Variants in AUH observed in about 807,000 individuals in gnomAD.
AUH encodes AU RNA binding methylglutaconyl-CoA hydratase.
A neutral mutation model predicts 42.3 loss-of-function variants in AUH; 29 were observed. The ratio of observed to expected loss-of-function variants is 0.69; its 90% CI spans 0.51 to 0.93. AUH has a LOEUF of 0.93. AUH is among the 40% of genes least tolerant of loss of function. The pLI is 0.00. For missense variants in AUH, 452 were observed against 438.1 expected (o/e 1.03, Z -0.28); for synonymous variants, 174 against 166.4 (o/e 1.05, Z -0.35).
chr9:91,271,707 T>G (rs1359465461), intron 6 of AUH, among the ~76,000 whole-genome samples: 1 of 152,146 alleles, frequency 6.6e-6, no homozygotes, highest in East Asian at 1.9e-4. Flanking sequence ...TTTTGAGAAG[T>G]TTCGCTTTTG....
intron 4 of AUH, among the ~76,000 whole-genome samples, chr9:91,312,457 A>G (rs2131768483): frequency 6.6e-6 from 1 of 152,332 alleles, no homozygotes; most frequent in Non-Finnish European, 1.5e-5. Context: ...GCTGGGAGTC[A>G]TGGCTCATGC....
At chr9:91,238,385 A>C (rs938745323) in intron 6 of AUH, among the ~76,000 whole-genome samples, 3 of 152,226 alleles carry the variant, frequency 2.0e-5, no homozygotes, top group Non-Finnish European at 4.4e-5. Flanking sequence ...ACTGGACAAC[A>C]GTATCTGTTT....
chr9:91,310,478 T>C (rs1828617337), intron 4 of AUH, among the ~76,000 whole-genome samples: 1 of 152,214 alleles, frequency 6.6e-6, no homozygotes, highest in Non-Finnish European at 1.5e-5. Flanking sequence ...AAAAGCCAAC[T>C]CATGGTTCTT....
At chr9:91,252,108 A>G (rs1295455998) in intron 6 of AUH, among the ~76,000 whole-genome samples, 2 of 152,088 alleles carry the variant, frequency 1.3e-5, no homozygotes, top group African/African-American at 4.8e-5. Context: ...CTGGGACTAC[A>G]GGAGCCCGCC....
chr9:91,346,891 T>C (rs148417482), intron 3 of AUH, among the ~76,000 whole-genome samples: 1 of 152,032 alleles, frequency 6.6e-6, no homozygotes, highest in African/African-American at 2.4e-5. Context: ...TTATTTACTA[T>C]ATGCAACTCA....
intron 6 of AUH, among the ~76,000 whole-genome samples, chr9:91,260,862 G>T (rs1211799893): frequency 1.3e-5 from 2 of 151,958 alleles, no homozygotes; most frequent in African/African-American, 4.8e-5. Context: ...CTATTTCTGT[G>T]TCTTCAGATT....
chr9:91,267,464 T>C (rs1162540756), intron 6 of AUH, among the ~76,000 whole-genome samples: 2 of 152,234 alleles, frequency 1.3e-5, no homozygotes, highest in East Asian at 1.9e-4. Context: ...TCTTGTTTAA[T>C]GGCTCTAACA....
chr9:91,230,662 G>GT (rs1283565663), intron 6 of AUH, among the ~76,000 whole-genome samples: 2 of 152,162 alleles, frequency 1.3e-5, no homozygotes, highest in Non-Finnish European at 2.9e-5. Flanking sequence ...TTTCTGTTCA[G>GT]TTTTTTCCCC....
chr9:91,262,557 T>C (rs1829758490), intron 6 of AUH, among the ~76,000 whole-genome samples: 1 of 152,196 alleles, frequency 6.6e-6, no homozygotes. Flanking sequence ...ACAGCTATTA[T>C]AAAACTTAAA....
intron 6 of AUH, among the ~76,000 whole-genome samples, chr9:91,290,882 A>C (rs1826817744): frequency 1.3e-5 from 2 of 152,188 alleles, no homozygotes; most frequent in African/African-American, 2.4e-5. Flanking sequence ...CTGTCCCCAA[A>C]AATCATGTAA....
At chr9:91,286,023 A>G (rs564404994) in intron 6 of AUH, among the ~76,000 whole-genome samples, 2 of 152,234 alleles carry the variant, frequency 1.3e-5, no homozygotes, top group South Asian at 4.1e-4. Flanking sequence ...TCTTCCTGGA[A>G]TAGTATGACC....
rs1379947629 is a variant in AUH at position 91,356,017 on chromosome 9, A to T, written c.331-47T>A. The T allele has an allele frequency of 2.5e-6, 4 of 1,588,000 alleles. No homozygotes were observed. The Admixed American group carries it at 5.0e-5, about 20-fold the overall frequency. ...AGGAGGAAAAAGAGAAAAAAAAAAC[A>T]AAACATTTTTACATTGATGACAATA... On this transcript the variant is annotated intron_variant, in intron 2 of 9. Coordinates refer to ENST00000375731, the MANE Select transcript of AUH (RefSeq NM_001698.3).
chr9:91,245,858 C>T (rs977492866), intron 6 of AUH, among the ~76,000 whole-genome samples: 4 of 152,116 alleles, frequency 2.6e-5, no homozygotes, highest in South Asian at 4.1e-4. Flanking sequence ...TTGACCCCTG[C>T]GCTGTCCCTA....
At position 91,244,878 on chromosome 9, in the gene AUH, G is replaced by A. The variant is rs941747203; in HGVS notation, c.656-23886C>T. Reference sequence around the variant, plus strand: ...GCACCTCTGAAAAATTATTTGAGATGCAGAGGTTAAAGGTTAAAAGTAAGC... The same window carrying A: ...GCACCTCTGAAAAATTATTTGAGATACAGAGGTTAAAGGTTAAAAGTAAGC... On this transcript the variant is annotated intron_variant, in intron 6 of 9. Transcript: ENST00000375731. 5.9e-5 allele frequency among the ~76,000 whole-genome samples: 9 copies of A among 152,300 alleles called. No individual in the cohort carries two copies. In the South Asian group the frequency reaches 1.2e-3, roughly 21 times the overall value.
intron 6 of AUH, among the ~76,000 whole-genome samples, chr9:91,265,240 A>G (rs1829907086): frequency 6.7e-6 from 1 of 150,130 alleles, no homozygotes; most frequent in Non-Finnish European, 1.5e-5. Context: ...TCAAATGTCA[A>G]ACCTCAGAGG....
chr9:91,217,314 A>T lies in AUH; in HGVS notation c.857T>A (p.Met286Lys), dbSNP rs189293998. 1 of 1,613,770 alleles carries T rather than the reference A, an allele frequency of 6.2e-7. No individual in the cohort carries two copies. Among genetic ancestry groups the T allele is most frequent in the Non-Finnish European group, 8.5e-7 (1 of 1,179,742 alleles). ...REFLPQGPVAMRVAKLAINQG... is the reference protein window; with the variant it reads ...REFLPQGPVAKRVAKLAINQG... ...ATTAATTGCTAATTTTGCCACTCTC[A>T]TTGCAACAGGTCCCTAAAATTCAAA... Residue 286 changes from methionine (M) to lysine (K), a missense_variant, in exon 8 of 10, where the codon ATG becomes AAG. Met to Lys is a moderately conservative substitution (Grantham distance 95, BLOSUM62 -1). Coordinates refer to ENST00000375731, the MANE Select transcript of AUH (RefSeq NM_001698.3).
chr9:91,295,869 G>A lies in AUH; in HGVS notation c.655+152C>T. 3.5e-6 allele frequency: 3 copies of A among 849,184 alleles called. No individual in the cohort carries two copies. In the South Asian group the frequency reaches 4.5e-5, roughly 13 times the overall value. The allele number at this position is 849,184 out of a possible 1,614,324, so 52.6% of individuals were successfully genotyped here. ...TGGGGAAAATCTGTTAGGTATGCCTGTAACTTGAATGGGGACTTTGCTAGG... is the reference window on the plus strand; with the variant it reads ...TGGGGAAAATCTGTTAGGTATGCCTATAACTTGAATGGGGACTTTGCTAGG... On this transcript the variant is annotated intron_variant, in intron 6 of 9. Coordinates refer to ENST00000375731, the MANE Select transcript of AUH (RefSeq NM_001698.3).
At chr9:91,275,945 CA>C (rs1166858477) in intron 6 of AUH, among the ~76,000 whole-genome samples, 1 of 152,122 alleles carries the variant, frequency 6.6e-6, no homozygotes, top group Non-Finnish European at 1.5e-5. Context: ...AAAGATAGAG[CA>C]ATCTATCCTT....
chr9:91,216,439 G>C (rs1311599286), intron 8 of AUH, among the ~76,000 whole-genome samples: 3 of 149,528 alleles, frequency 2.0e-5, no homozygotes, highest in Non-Finnish European at 3.0e-5. Flanking sequence ...TTTATGTCGC[G>C]ACACACACAC....
Sources: allele counts gnomAD v4.1 joint callset (sites outside exome capture counted in the v4.1 genomes callset), GRCh38; gene constraint gnomAD v4.1.1; transcripts MANE v1.5; gene names NCBI Gene and HGNC (gene_info 2026-07-23, HGNC 2026-07-21).